GALNT2: variants seen among roughly 807,000 people sequenced by gnomAD.
The protein encoded by GALNT2 is polypeptide N-acetylgalactosaminyltransferase 2.
A neutral mutation model predicts 81.4 loss-of-function variants in GALNT2; 31 were observed. The ratio of observed to expected loss-of-function variants is 0.38; its 90% CI spans 0.29 to 0.51. GALNT2 has a LOEUF of 0.51. Ranked by LOEUF, GALNT2 falls within the 20% of genes least tolerant of loss-of-function variation. GALNT2 has a pLI of 0.87. For synonymous variants in GALNT2, 303 were observed against 287.4 expected (o/e 1.05, Z -0.55); for missense variants, 629 against 765.7 (o/e 0.82, Z 2.11).
At chr1:230,207,219 T>C (rs1664090342) in intron 3 of GALNT2, among the ~76,000 whole-genome samples, 1 of 151,874 alleles carries the variant, frequency 6.6e-6, no homozygotes. Context: ...ATATGAAGAA[T>C]CATAAAAGAA....
intron 2 of GALNT2, among the ~76,000 whole-genome samples, chr1:230,192,936 A>G (rs1017268160): frequency 6.6e-6 from 1 of 152,196 alleles, no homozygotes; most frequent in Non-Finnish European, 1.5e-5. Flanking sequence ...ATTGAAATGG[A>G]TCTATTTGTT....
chr1:230,135,301 T>C (rs183244671), intron 1 of GALNT2, among the ~76,000 whole-genome samples: 5 of 152,286 alleles, frequency 3.3e-5, no homozygotes, highest in African/African-American at 9.6e-5. Flanking sequence ...TATTCTCTAA[T>C]GATACAGAAT....
Position 230,067,387 on chromosome 1 carries a change from G to A in GALNT2, c.107G>A (p.Gly36Asp). The A allele has an allele frequency of 1.6e-5, 20 of 1,273,180 alleles. No homozygotes were observed. The highest frequency in any genetic ancestry group is 3.4e-5 in the East Asian group (1 of 29,076). 78.9% of individuals were successfully genotyped at this position (1,273,180 alleles called of 1,614,324 possible). ...GGCTCTGCGCTGGCCGGGGGCGCGG[G>A]CGGCGGCGCCGGCAGGAAGGTGAGT... ...GGGSALAGGA[G>D]GGAGRKEDWN... Residue 36 changes from glycine (G) to aspartate (D), a missense_variant, in exon 1 of 16, where the codon GGC (glycine) becomes GAC (aspartate). This residue lies in a region of GALNT2 where 360 missense variants were observed against 492.8 expected (regional missense o/e 0.73). Coordinates refer to ENST00000366672, the MANE Select transcript of GALNT2 (RefSeq NM_004481.5).
rs1665272617 is a variant in GALNT2, at chr1:230,243,649, C to T, written c.729+222C>T. ...GTAGGAATCCATCAGTAGGAGGAAC[C>T]ATCCGTTGACAGGTAGGAGGCGAGG... On this transcript the variant is annotated intron_variant, in intron 7 of 15. Transcript: ENST00000366672. This position sits in a 1 kb window ranked among gnomAD's most constrained non-coding sequence, Gnocchi z 4.2. 6.6e-6 allele frequency among the ~76,000 whole-genome samples: 1 copy of T among 152,208 alleles called. No homozygotes were observed. Among genetic ancestry groups the T allele is most frequent in the Non-Finnish European group, 1.5e-5 (1 of 68,034 alleles).
At chr1:230,173,473 C>T (rs535221518) in intron 1 of GALNT2, among the ~76,000 whole-genome samples, 26 of 152,316 alleles carry the variant, frequency 1.7e-4, no homozygotes, top group African/African-American at 6.0e-4. Context: ...CAACATCCCT[C>T]CTTTGAGGGT....
At chr1:230,180,287 G>A (rs1179202219) in intron 2 of GALNT2, among the ~76,000 whole-genome samples, 2 of 133,226 alleles carry the variant, frequency 1.5e-5, no homozygotes, top group Non-Finnish European at 3.1e-5. Flanking sequence ...TAAGAGCTGT[G>A]TCTAGGTTCT....
At chr1:230,114,200 A>G (rs1275159413) in intron 1 of GALNT2, among the ~76,000 whole-genome samples, 2 of 152,116 alleles carry the variant, frequency 1.3e-5, no homozygotes, top group African/African-American at 4.8e-5. Flanking sequence ...GGCCACATTC[A>G]GGGTCAGGTT....
At chr1:230,276,725 C>G (rs542557087) in intron 15 of GALNT2, among the ~76,000 whole-genome samples, 43 of 152,334 alleles carry the variant, frequency 2.8e-4, no homozygotes, top group African/African-American at 1.0e-3. Context: ...CAATCCGCAT[C>G]TCTAAATGTC....
At chr1:230,262,466 C>A in intron 11 of GALNT2, 107 bp from the exon 12 acceptor site, 2 of 886,358 alleles carry the variant, frequency 2.3e-6, no homozygotes, top group Non-Finnish European at 3.7e-6. Flanking sequence ...GGAGCTGCTG[C>A]ACACCCAGAG....
intron 1 of GALNT2, among the ~76,000 whole-genome samples, chr1:230,124,135 A>G (rs116537941): frequency 0.014 from 2,201 of 152,352 alleles, 32 homozygotes; most frequent in Non-Finnish European, 0.019. Flanking sequence ...AGACATTGTC[A>G]TTAGATCTAT....
At chr1:230,263,202 C>T in intron 13 of GALNT2, 197 bp downstream of exon 13, 1 of 578,996 alleles carries the variant, frequency 1.7e-6, no homozygotes, top group Non-Finnish European at 3.1e-6. Context: ...TGTCTCTGTC[C>T]TGCAGAGCTG....
At chr1:230,201,275 C>T (rs950047443) in intron 2 of GALNT2, among the ~76,000 whole-genome samples, 4 of 152,120 alleles carry the variant, frequency 2.6e-5, no homozygotes, top group African/African-American at 7.2e-5. Flanking sequence ...TAGCCAGGCT[C>T]GTGGGTTTTG....
At chr1:230,151,091 G>A (rs1167657530) in intron 1 of GALNT2, among the ~76,000 whole-genome samples, 1 of 152,194 alleles carries the variant, frequency 6.6e-6, no homozygotes, top group Non-Finnish European at 1.5e-5. Flanking sequence ...TCCTCTTGTG[G>A]AAATATGTTC....
chr1:230,176,342 A>G (rs1662978508), intron 1 of GALNT2, among the ~76,000 whole-genome samples: 1 of 152,238 alleles, frequency 6.6e-6, no homozygotes, highest in Admixed American at 6.5e-5. Flanking sequence ...ATGACTACAG[A>G]TGATGACTTT....
chr1:230,106,255 G>T (rs918723251), intron 1 of GALNT2, among the ~76,000 whole-genome samples: 2 of 152,198 alleles, frequency 1.3e-5, no homozygotes, highest in Non-Finnish European at 2.9e-5. Flanking sequence ...GGGTGACTGT[G>T]CCCATGGAGG....
intron 1 of GALNT2, among the ~76,000 whole-genome samples, chr1:230,177,505 A>G (rs1051815890): frequency 5.9e-5 from 9 of 152,220 alleles, no homozygotes; most frequent in Non-Finnish European, 1.0e-4. Context: ...GAAAATATAT[A>G]TTTAGCTCTG....
At chr1:230,266,225 C>T (rs1021520754) in intron 14 of GALNT2, among the ~76,000 whole-genome samples, 1 of 152,114 alleles carries the variant, frequency 6.6e-6, no homozygotes. Flanking sequence ...AACAGAAAAA[C>T]CCACTACCTT....
chr1:230,235,640 A>G (rs1665003834), intron 3 of GALNT2, among the ~76,000 whole-genome samples: 1 of 152,234 alleles, frequency 6.6e-6, no homozygotes, highest in Non-Finnish European at 1.5e-5. Context: ...AGTGGCGCAC[A>G]GTTGGTTCTG....
At position 230,096,450 on chromosome 1, in the gene GALNT2, G is replaced by A. The variant is rs11122308; in HGVS notation, c.126+29044G>A. On this transcript the variant is annotated intron_variant, in intron 1 of 15. Coordinates refer to ENST00000366672, the MANE Select transcript of GALNT2 (RefSeq NM_004481.5). ...AGGGCAGGAGGCCAGAGGTGTCTGC[G>A]TCTCCCTCGTCCATCTCGTTCTCCC... Among the ~76,000 whole-genome samples the A allele has an allele frequency of 5.0e-3, 767 of 152,244 alleles. 9 individuals carry two copies. The highest frequency in any genetic ancestry group is 0.017 in the African/African-American group (716 of 41,540).
Sources: allele counts gnomAD v4.1 joint callset (sites outside exome capture counted in the v4.1 genomes callset), GRCh38; gene constraint gnomAD v4.1.1; regional missense constraint gnomAD v4.1.1; non-coding constraint Gnocchi (gnomAD v3.1); transcripts MANE v1.5; gene names NCBI Gene and HGNC (gene_info 2026-07-23, HGNC 2026-07-21).